The following DEFB123 variants were observed in gnomAD, a reference collection of about 807,000 sequenced individuals.
DEFB123 encodes defensin beta 123, also known as beta-defensin 123.
For missense variants in DEFB123, 71 were observed against 75.0 expected, an observed-to-expected ratio of 0.95 and a Z score of 0.20; for synonymous variants, 22 against 28.3, an observed-to-expected ratio of 0.78 and a Z score of 0.71.
chr20:31,449,355 T>C (rs1482356499), intron 1 of DEFB123, among the ~76,000 whole-genome samples: 1 of 152,114 alleles, frequency 6.6e-6, no homozygotes, highest in African/African-American at 2.4e-5. Context: ...GTTTAAGCTT[T>C]GTTAGGATGG....
rs1979693383 is a variant in DEFB123, at chr20:31,449,880, AG to A, written c.59-147del. 4.9e-6 allele frequency: 5 copies of A among 1,014,894 alleles called. No homozygotes were observed. The South Asian group carries it at 1.1e-4, about 23-fold the overall frequency. 62.9% of individuals were successfully genotyped at this position (1,014,894 alleles called of 1,614,324 possible). On this transcript the variant is annotated intron_variant, in intron 1 of 1. Transcript: ENST00000376309. ...GGTGGGAAGCAAAAAAACAGAGTAA[AG>A]GAAAAACAGTGATAGATGAAAAGAG...
chr20:31,444,113 C>T (rs1198439099), intron 1 of DEFB123, among the ~76,000 whole-genome samples: 1 of 152,166 alleles, frequency 6.6e-6, no homozygotes, highest in Non-Finnish European at 1.5e-5. Flanking sequence ...CTGCCCAATT[C>T]TGCTTTTTGA....
intron 1 of DEFB123, among the ~76,000 whole-genome samples, chr20:31,445,553 T>C (rs1723545084): frequency 6.6e-6 from 1 of 152,218 alleles, no homozygotes; most frequent in Non-Finnish European, 1.5e-5. Context: ...TTTTGTTCTT[T>C]AGTTTGGATG....
chr20:31,440,736 T>C lies in DEFB123; in HGVS notation c.38T>C (p.Leu13Pro), dbSNP rs1232517838. ...LLLLTLTVLLLLSQLTPGGTQ... is the reference protein window; with the variant it reads ...LLLLTLTVLLPLSQLTPGGTQ... ...TTGCTGACTTTGACTGTGCTGCTGCTCTTATCCCAGCTGACTCCAGGTAAC... is the reference window on the plus strand; with the variant it reads ...TTGCTGACTTTGACTGTGCTGCTGCCCTTATCCCAGCTGACTCCAGGTAAC... Residue 13 changes from leucine (L) to proline (P), a missense_variant, in exon 1 of 2, where the codon CTC (leucine) becomes CCC (proline). Coordinates refer to ENST00000376309, the MANE Select transcript of DEFB123 (RefSeq NM_153324.4). 1.2e-6 allele frequency: 2 copies of C among 1,613,762 alleles called. No homozygotes were observed.
At chr20:31,443,627 A>G (rs1979517978) in intron 1 of DEFB123, among the ~76,000 whole-genome samples, 1 of 152,196 alleles carries the variant, frequency 6.6e-6, no homozygotes, top group South Asian at 2.1e-4. Context: ...CTGAGTGTTC[A>G]GGTCAACCAG....
rs150441963 is a variant in DEFB123, at chr20:31,449,851, C to T, written c.59-178C>T. 5.8e-4 allele frequency among the ~76,000 whole-genome samples: 86 copies of T among 149,540 alleles called. 1 individual carries two copies. In the East Asian group the frequency reaches 0.015, roughly 26 times the overall value. ...GATGTACCAAGGTCACTCTCTCAGT[C>T]AAAGGTGGGAAGCAAAAAAACAGAG... is the stretch of plus-strand genomic sequence containing the variant. On this transcript the variant is annotated intron_variant, in intron 1 of 1. Coordinates refer to ENST00000376309, the MANE Select transcript of DEFB123 (RefSeq NM_153324.4).
At chr20:31,448,024 G>T (rs2122418419) in intron 1 of DEFB123, among the ~76,000 whole-genome samples, 1 of 152,036 alleles carries the variant, frequency 6.6e-6, no homozygotes, top group East Asian at 1.9e-4. Context: ...CTGACCTCAT[G>T]ATCCGCCCAC....
chr20:31,444,315 T>G (rs1395971988), intron 1 of DEFB123, among the ~76,000 whole-genome samples: 1 of 152,180 alleles, frequency 6.6e-6, no homozygotes, highest in Non-Finnish European at 1.5e-5. Context: ...CACCCTGAGT[T>G]CGTTCTTTAT....
chr20:31,449,493 C>T (rs572518364), intron 1 of DEFB123, among the ~76,000 whole-genome samples: 1 of 152,236 alleles, frequency 6.6e-6, no homozygotes, highest in African/African-American at 2.4e-5. Context: ...AAGCTATTCC[C>T]AGACCTGTGC....
At chr20:31,442,597 T>C (rs1048176811) in intron 1 of DEFB123, among the ~76,000 whole-genome samples, 1 of 70,912 alleles carries the variant, frequency 1.4e-5, no homozygotes, top group African/African-American at 1.3e-4. Flanking sequence ...GGTCATTTGC[T>C]TTTTTTTTTT....
At chr20:31,449,280 A>G (rs372271832) in intron 1 of DEFB123, among the ~76,000 whole-genome samples, 6 of 151,290 alleles carry the variant, frequency 4.0e-5, no homozygotes, top group African/African-American at 1.5e-4. Flanking sequence ...TCCTTTAAAG[A>G]GTTAGATATT....
chr20:31,442,736 G>A (rs898172713), intron 1 of DEFB123, among the ~76,000 whole-genome samples: 5 of 150,978 alleles, frequency 3.3e-5, no homozygotes, highest in Non-Finnish European at 5.9e-5. Context: ...AGCCTCCTAA[G>A]TAACTGGGAT....
chr20:31,446,621 T>G (rs1271318406), intron 1 of DEFB123, among the ~76,000 whole-genome samples: 2 of 152,250 alleles, frequency 1.3e-5, no homozygotes, highest in East Asian at 3.8e-4. Flanking sequence ...GCCGGTCTTG[T>G]GCAGTTCCTG....
At chr20:31,441,774 T>C (rs1713210816) in intron 1 of DEFB123, among the ~76,000 whole-genome samples, 1 of 152,046 alleles carries the variant, frequency 6.6e-6, no homozygotes, top group Non-Finnish European at 1.5e-5. Flanking sequence ...CCTGAGGCCC[T>C]AAAACACCAC....
chr20:31,440,847 G>A, intron 1 of DEFB123, 91 bp downstream of exon 1: 2 of 1,510,660 alleles, frequency 1.3e-6, no homozygotes, highest in Non-Finnish European at 1.8e-6. Context: ...GCTGCAGGTT[G>A]TCATCTAGCA....
chr20:31,446,630 T>C (rs561552077), intron 1 of DEFB123, among the ~76,000 whole-genome samples: 3 of 152,362 alleles, frequency 2.0e-5, no homozygotes, highest in Non-Finnish European at 4.4e-5. Context: ...GTGCAGTTCC[T>C]GCACCAGGTC....
chr20:31,444,912 C>G (rs1295276804), intron 1 of DEFB123, among the ~76,000 whole-genome samples: 1 of 152,078 alleles, frequency 6.6e-6, no homozygotes, highest in Non-Finnish European at 1.5e-5. Context: ...TCTTTGCATT[C>G]CTTTACAGTC....
rs34763122 is a variant in DEFB123, at chr20:31,447,780, C to CTTTTTTTT, written c.59-2232_59-2225dup. Among the ~76,000 whole-genome samples, 200 of 64,490 alleles carry CTTTTTTTT rather than the reference C, an allele frequency of 3.1e-3. 11 individuals carry two copies. The highest frequency in any genetic ancestry group is 0.012 in the African/African-American group (181 of 14,942). 42.3% of individuals were successfully genotyped at this position (64,490 alleles called of 152,430 possible). A position where few individuals can be genotyped will look rare whatever the true frequency, so the allele number is the denominator to read the frequency against. Reference sequence around the variant, plus strand: ...TACAGGTGCACACCAACACACCCGGCTTTTTTTTTTTTTTTTTTTTTTTTG... The same window carrying CTTTTTTTT: ...TACAGGTGCACACCAACACACCCGGCTTTTTTTTTTTTTTTTTTTTTTTTTTTTTTTTG... On this transcript the variant is annotated intron_variant, in intron 1 of 1. Transcript: ENST00000376309.
intron 1 of DEFB123, among the ~76,000 whole-genome samples, chr20:31,443,809 T>C (rs1979521841): frequency 6.6e-6 from 1 of 152,208 alleles, no homozygotes; most frequent in Admixed American, 6.5e-5. Flanking sequence ...GGGCAGAGTA[T>C]TTCCCCTCTA....
Sources: gnomAD v4.1 joint callset for allele counts (sites outside exome capture counted in the v4.1 genomes callset) on GRCh38, gnomAD v4.1.1 for gene constraint, MANE v1.5 for transcripts, NCBI Gene and HGNC (gene_info 2026-07-23, HGNC 2026-07-21) for gene names.